TMEM170A: variants seen among roughly 807,000 people sequenced by gnomAD.
The protein encoded by TMEM170A is transmembrane protein 170A.
In TMEM170A, 18 loss-of-function variants were observed where a neutral mutation model predicts 12.8. The ratio of observed to expected loss-of-function variants is 1.41; its 90% CI spans 0.97 to 2.09. The LOEUF (loss-of-function observed/expected upper bound fraction) is 2.09, where lower values mean the gene tolerates loss of function less well. TMEM170A is among the 30% of genes most tolerant of loss of function. The probability of loss-of-function intolerance (pLI) is 0.00; values close to 1 mark genes in which losing one functional copy is unlikely to be tolerated. For synonymous variants in TMEM170A, 107 were observed against 76.2 expected (o/e 1.40, Z -2.11); for missense variants, 220 against 179.9 (o/e 1.22, Z -1.28).
rs762399644 is a variant in TMEM170A, at chr16:75,464,622, G to A, written c.-22C>T. On this transcript the variant is annotated 5_prime_UTR_variant, in exon 1 of 3. Coordinates refer to ENST00000561878, the MANE Select transcript of TMEM170A (RefSeq NM_145254.3). ...CCATCCCGTCGCCATTCACCACAGA[G>A]AAATGAGGGACGAGCGCCCGAAGTG... 1.6e-4 allele frequency: 249 copies of A among 1,567,788 alleles called. 2 individuals are homozygous for A. In the Admixed American group the frequency reaches 4.6e-3, roughly 29 times the overall value.
chr16:75,451,306 T>C, intron 2 of TMEM170A: 1 of 322,524 alleles, frequency 3.1e-6, no homozygotes, highest in Non-Finnish European at 5.7e-6. Context: ...TCCCAGCATT[T>C]TGGGAGGCCA....
At chr16:75,462,008 G>A (rs2079917678) in intron 1 of TMEM170A, among the ~76,000 whole-genome samples, 1 of 152,190 alleles carries the variant, frequency 6.6e-6, no homozygotes, top group Admixed American at 6.5e-5. Context: ...AGACTATTCA[G>A]TTCCAACTTA....
In TMEM170A at chr16:75,449,490, T is replaced by C. The variant is rs117690391; in HGVS notation, c.305-1802A>G. Among the ~76,000 whole-genome samples, 9 of 152,214 alleles carry C rather than the reference T, an allele frequency of 5.9e-5. No individual in the cohort carries two copies. The East Asian group carries it at 1.5e-3, about 26-fold the overall frequency. On this transcript the variant is annotated intron_variant, in intron 2 of 2. Coordinates refer to ENST00000561878, the MANE Select transcript of TMEM170A (RefSeq NM_145254.3). The stretch of plus-strand genomic sequence containing the variant: ...CCACCACACCTGGCTATTTTATTTA[T>C]TTATTTTTTGTAGAGACAGGGTCTC...
intron 1 of TMEM170A, among the ~76,000 whole-genome samples, chr16:75,457,035 T>C (rs2079811561): frequency 6.6e-6 from 1 of 152,230 alleles, no homozygotes; most frequent in East Asian, 1.9e-4. Flanking sequence ...TGGTCCAAAG[T>C]GGACAAATGG....
chr16:75,459,600 T>A (rs146134708), intron 1 of TMEM170A, among the ~76,000 whole-genome samples: 14 of 152,234 alleles, frequency 9.2e-5, no homozygotes, highest in African/African-American at 3.1e-4. Context: ...CTGACACCTG[T>A]AATCCCAGCA....
intron 2 of TMEM170A, among the ~76,000 whole-genome samples, chr16:75,449,416 C>G (rs2079642494): frequency 6.6e-6 from 1 of 151,714 alleles, no homozygotes; most frequent in African/African-American, 2.4e-5. Flanking sequence ...CAGCCTCAAC[C>G]TCCTGGGCTC....
chr16:75,464,249 A>G, intron 1 of TMEM170A: 7 of 1,501,470 alleles, frequency 4.7e-6, no homozygotes, highest in South Asian at 1.2e-5. Flanking sequence ...CGCTCTCTGC[A>G]TCTCACGCCC....
At chr16:75,458,720 A>T (rs894678724) in intron 1 of TMEM170A, 1 of 152,216 alleles carries the variant, frequency 6.6e-6, no homozygotes, top group Admixed American at 6.5e-5. Context: ...AATTTGTGGA[A>T]TTAATTACAG....
chr16:75,462,799 CTA>C (rs2151653080), intron 1 of TMEM170A, among the ~76,000 whole-genome samples: 1 of 152,178 alleles, frequency 6.6e-6, no homozygotes, highest in South Asian at 2.1e-4. Flanking sequence ...GGAAAAAAAT[CTA>C]TGTGGACAAT....
At chr16:75,455,609 C>G (rs536493152) in intron 1 of TMEM170A, among the ~76,000 whole-genome samples, 11 of 152,166 alleles carry the variant, frequency 7.2e-5, no homozygotes, top group Non-Finnish European at 1.6e-4. Flanking sequence ...TGAAGACCAG[C>G]CTAGCCAACA....
chr16:75,444,498 T>C lies in TMEM170A; in HGVS notation c.*3060A>G, dbSNP rs2079551788. On this transcript the variant is annotated 3_prime_UTR_variant, in exon 3 of 3. Coordinates refer to ENST00000561878, the MANE Select transcript of TMEM170A (RefSeq NM_145254.3). ...AAACCAAAGCACAGCTGGGGGAGGATATTTCTAAGAAATCAGTTTTTGGCA... is the reference window on the plus strand; with the variant it reads ...AAACCAAAGCACAGCTGGGGGAGGACATTTCTAAGAAATCAGTTTTTGGCA... The C allele has an allele frequency of 6.6e-6, 1 of 152,180 alleles. No homozygotes were observed. Among genetic ancestry groups the C allele is most frequent in the African/African-American group, 2.4e-5 (1 of 41,442 alleles). The allele number at this position is 152,180 out of a possible 1,614,324, so 9.4% of individuals were successfully genotyped here.
intron 1 of TMEM170A, among the ~76,000 whole-genome samples, chr16:75,456,443 T>A (rs1004975051): frequency 6.6e-6 from 1 of 152,050 alleles, no homozygotes; most frequent in African/African-American, 2.4e-5. Context: ...AAAAATTAGC[T>A]AGGTGGGGTG....
chr16:75,455,468 G>A (rs72787192), intron 1 of TMEM170A, among the ~76,000 whole-genome samples: 6 of 151,850 alleles, frequency 4.0e-5, no homozygotes, highest in Non-Finnish European at 1.5e-5. Context: ...TCCTGTTTTT[G>A]AGAAAACAAA....
At position 75,443,489 on chromosome 16, in the gene TMEM170A, T is replaced by C. The variant is rs914483899; in HGVS notation, c.*4069A>G. On this transcript the variant is annotated 3_prime_UTR_variant, in exon 3 of 3. Transcript: ENST00000561878. ...CTGCTAATGGCACCGATGCTTCACA[T>C]TCCAGGAAATGGTTACTTAGGGAAG... is the stretch of plus-strand genomic sequence containing the variant. 1.3e-5 allele frequency: 2 copies of C among 152,152 alleles called. No individual in the cohort carries two copies. Among genetic ancestry groups the C allele is most frequent in the Admixed American group, 1.3e-4 (2 of 15,258 alleles). The allele number at this position is 152,152 out of a possible 1,614,324, so 9.4% of individuals were successfully genotyped here. A position where few individuals can be genotyped will look rare whatever the true frequency, so the allele number is the denominator to read the frequency against.
chr16:75,464,267 C>T, intron 1 of TMEM170A: 2 of 1,495,288 alleles, frequency 1.3e-6, no homozygotes, highest in East Asian at 5.7e-5. Flanking sequence ...CCCAGCGGGA[C>T]TCCGGGGCTC....
At chr16:75,460,168 G>A (rs2079877166) in intron 1 of TMEM170A, among the ~76,000 whole-genome samples, 2 of 152,094 alleles carry the variant, frequency 1.3e-5, no homozygotes, top group Admixed American at 1.3e-4. Context: ...TCCTGATGGG[G>A]CCTTCCATCT....
intron 1 of TMEM170A, chr16:75,458,382 TA>T (rs1274798886): frequency 4.6e-5 from 7 of 152,262 alleles, no homozygotes; most frequent in African/African-American, 1.7e-4. Context: ...TTGTGGTGAC[TA>T]AAGTAAGGAT....
At chr16:75,448,374 C>G (rs932528030) in intron 2 of TMEM170A, among the ~76,000 whole-genome samples, 8 of 152,198 alleles carry the variant, frequency 5.3e-5, no homozygotes, top group African/African-American at 1.9e-4. Context: ...AACGAAAACC[C>G]CTGTATCTAT....
At chr16:75,457,827 GC>G (rs2079826941) in intron 1 of TMEM170A, among the ~76,000 whole-genome samples, 1 of 152,116 alleles carries the variant, frequency 6.6e-6, no homozygotes, top group African/African-American at 2.4e-5. Context: ...ACAACCCTGA[GC>G]CACATCCATT....
Sources: allele counts gnomAD v4.1 joint callset (sites outside exome capture counted in the v4.1 genomes callset), GRCh38; gene constraint gnomAD v4.1.1; transcripts MANE v1.5; gene names NCBI Gene and HGNC (gene_info 2026-07-23, HGNC 2026-07-21).